CRMP1: variants seen among roughly 807,000 people sequenced by gnomAD.
CRMP1 encodes the protein collapsin response mediator protein 1, also known as dihydropyrimidinase-related protein 1.
In CRMP1, 19 loss-of-function variants were observed where a neutral mutation model predicts 68.3. That is an observed-to-expected ratio of 0.28 (90% CI 0.19 to 0.41). The LOEUF (loss-of-function observed/expected upper bound fraction) is 0.41, where lower values mean the gene tolerates loss of function less well. CRMP1 is among the 10% of genes least tolerant of loss of function. CRMP1 has a pLI of 1.00. For missense variants in CRMP1, 791 were observed against 967.4 expected (o/e 0.82, Z 2.42); for synonymous variants, 439 against 399.6 (o/e 1.10, Z -1.18).
At chr4:5,829,330 A>C (rs929869629) in intron 11 of CRMP1, among the ~76,000 whole-genome samples, 9 of 152,166 alleles carry the variant, frequency 5.9e-5, no homozygotes, top group African/African-American at 2.2e-4. Flanking sequence ...TGGAGGTTGC[A>C]GTGAGCCGAG....
rs562385669 is a variant in CRMP1, at chr4:5,842,618, T to G, written c.1032+475A>C. On this transcript the variant is annotated intron_variant, in intron 7 of 13. Coordinates refer to ENST00000324989, the MANE Select transcript of CRMP1 (RefSeq NM_001014809.3). This position sits in a 1 kb window ranked among gnomAD's most constrained non-coding sequence, Gnocchi z 4.5. Reference sequence around the variant, plus strand: ...CTCTCTCACACACACACACACACACTCACTCACACACACACACACGCACTG... The same window carrying G: ...CTCTCTCACACACACACACACACACGCACTCACACACACACACACGCACTG... Among the ~76,000 whole-genome samples the G allele has an allele frequency of 1.5e-4, 21 of 138,302 alleles. No homozygotes were observed. Among genetic ancestry groups the G allele is most frequent in the Non-Finnish European group, 2.7e-4 (17 of 63,166 alleles). 90.7% of individuals were successfully genotyped at this position (138,302 alleles called of 152,430 possible). A position where few individuals can be genotyped will look rare whatever the true frequency, so the allele number is the denominator to read the frequency against.
rs1393816337 is a variant in CRMP1 at position 5,836,436 on chromosome 4, T to C, written c.1452+329A>G. Among the ~76,000 whole-genome samples, 5 of 152,076 alleles carry C rather than the reference T, an allele frequency of 3.3e-5. No individual in the cohort carries two copies. The South Asian group carries it at 8.3e-4, about 25-fold the overall frequency. On this transcript the variant is annotated intron_variant, in intron 10 of 13. Transcript: ENST00000324989. ...GAATTCTCTCTCTACCCACTCAACA[T>C]CCCAACTCCTAACACGTGTGCACAT...
Position 5,879,854 on chromosome 4 carries a change from G to GC in CRMP1, c.381+12734dup, listed in dbSNP as rs753869000. 2.3e-5 allele frequency among the ~76,000 whole-genome samples: 3 copies of GC among 129,506 alleles called. No homozygotes were observed. Among genetic ancestry groups the GC allele is most frequent in the African/African-American group, 9.3e-5 (3 of 32,370 alleles). The allele number at this position is 129,506 out of a possible 152,430, so 85.0% of individuals were successfully genotyped here. On this transcript the variant is annotated intron_variant, in intron 1 of 13. Coordinates refer to ENST00000324989, the MANE Select transcript of CRMP1 (RefSeq NM_001014809.3). The surrounding 1 kb of genome is among the most constrained non-coding windows in gnomAD (Gnocchi z 4.2). The stretch of plus-strand genomic sequence containing the variant: ...TCTGCATGTTCAGAAATAAAATATA[G>GC]CAAAAAAAAAAATGAGACGAAAGGA...
intron 1 of CRMP1, among the ~76,000 whole-genome samples, chr4:5,868,281 A>AGATATATATATATCTATATC (rs1560513320): frequency 1.1e-5 from 1 of 89,144 alleles, no homozygotes; most frequent in African/African-American, 5.0e-5. Context: ...ATATATATAT[A>AGATATATATATATCTATATC]TATATATATA....
rs2152474800 is a variant in CRMP1, at chr4:5,881,697, C to A, written c.381+10892G>T. ...TGCTTGTGAATACTCAGGGCTCCAC[C>A]TGAGAGATGCTACAATAATTTGTAG... On this transcript the variant is annotated intron_variant, in intron 1 of 13. Coordinates refer to ENST00000324989, the MANE Select transcript of CRMP1 (RefSeq NM_001014809.3). This position sits in a 1 kb window ranked among gnomAD's most constrained non-coding sequence, Gnocchi z 4.6. Among the ~76,000 whole-genome samples the A allele has an allele frequency of 6.6e-6, 1 of 152,274 alleles. No individual in the cohort carries two copies. The highest frequency in any genetic ancestry group is 2.1e-4 in the South Asian group (1 of 4,826).
At position 5,843,099 on chromosome 4, in the gene CRMP1, A is replaced by C. The variant is rs760234107; in HGVS notation, c.1026T>G (p.Pro342=). ...CAAGTTGAGGAGTCCTTACCTCTTC[A>C]GGTCTGCTCAGGGCATGGCCCTCGG... ...TGPEGHALSR[P]EELEAEAVFR... The change falls in exon 7 of 14, where the codon CCT becomes CCG. Residue 342 remains proline, a synonymous_variant. Coordinates refer to ENST00000324989, the MANE Select transcript of CRMP1 (RefSeq NM_001014809.3). This position sits in a 1 kb window ranked among gnomAD's most constrained non-coding sequence, Gnocchi z 4.1. 4 of 1,614,086 alleles carry C rather than the reference A, an allele frequency of 2.5e-6. No individual in the cohort carries two copies. The Admixed American group carries it at 5.0e-5, about 20-fold the overall frequency.
At chr4:5,874,416 T>C (rs1422371934) in intron 1 of CRMP1, among the ~76,000 whole-genome samples, 1 of 152,144 alleles carries the variant, frequency 6.6e-6, no homozygotes, top group African/African-American at 2.4e-5. Context: ...TCCACACCCA[T>C]GATCTAACCG....
chr4:5,834,197 G>A lies in CRMP1; in HGVS notation c.1623+1718C>T, dbSNP rs1309005266. Among the ~76,000 whole-genome samples, 1 of 152,254 alleles carries A rather than the reference G, an allele frequency of 6.6e-6. No individual in the cohort carries two copies. Among genetic ancestry groups the A allele is most frequent in the Non-Finnish European group, 1.5e-5 (1 of 68,040 alleles). On this transcript the variant is annotated intron_variant, in intron 11 of 13. Transcript: ENST00000324989. The surrounding 1 kb of genome is among the most constrained non-coding windows in gnomAD (Gnocchi z 4.3). ...AAGCAAGGGGCAGCTCCCACAGCCA[G>A]ATGGCGGTAGGAGTGCACACCCTGT...
chr4:5,825,545 G>T lies in CRMP1; in HGVS notation c.1918C>A (p.His640Asn), dbSNP rs761583442. The T allele has an allele frequency of 1.9e-6, 3 of 1,594,958 alleles. No homozygotes were observed. The highest frequency in any genetic ancestry group is 2.6e-6 in the Non-Finnish European group (3 of 1,173,364). Reference sequence around the variant, plus strand: ...AGGTTTCTGATGGGTGGGGGCTGGTGTTTAGAAGGCGAAGATTTGGCTGAA... The same window carrying T: ...AGGTTTCTGATGGGTGGGGGCTGGTTTTTAGAAGGCGAAGATTTGGCTGAA... ...APSAKSSPSK[H>N]QPPPIRNLHQ... The change falls in exon 13 of 14, where the codon CAC becomes AAC. Residue 640 changes from histidine (H) to asparagine (N), a missense_variant. Coordinates refer to ENST00000324989, the MANE Select transcript of CRMP1 (RefSeq NM_001014809.3). The surrounding 1 kb of genome is among the most constrained non-coding windows in gnomAD (Gnocchi z 4.4).
chr4:5,831,430 T>C (rs1043997587), intron 11 of CRMP1, among the ~76,000 whole-genome samples: 3 of 152,228 alleles, frequency 2.0e-5, no homozygotes, highest in Non-Finnish European at 4.4e-5. Context: ...ACACAGCTGT[T>C]GACACTGTGC....
rs3836555 is a variant in CRMP1 at position 5,874,902 on chromosome 4, ACAGATGCTG to A, written c.382-8155_382-8147del. Among the ~76,000 whole-genome samples the A allele has an allele frequency of 3.2e-4, 49 of 152,310 alleles. No homozygotes were observed. In the East Asian group the frequency reaches 9.3e-3, roughly 29 times the overall value. On this transcript the variant is annotated intron_variant, in intron 1 of 13. Coordinates refer to ENST00000324989, the MANE Select transcript of CRMP1 (RefSeq NM_001014809.3). ...CTGGCAAGTGCAAAGCCTGCACGCT[ACAGATGCTG>A]CAGGAAGGCGTCCTCGCGAAGACTC... is the stretch of plus-strand genomic sequence containing the variant.
intron 6 of CRMP1, among the ~76,000 whole-genome samples, chr4:5,849,082 C>T (rs1293195987): frequency 1.3e-5 from 2 of 152,134 alleles, no homozygotes; most frequent in African/African-American, 4.8e-5. Context: ...AGTTCCTTGC[C>T]CAAGGTCACA....
intron 5 of CRMP1, 31 bp from the exon 6 acceptor site, chr4:5,849,503 G>T (rs367868146): frequency 4.3e-6 from 6 of 1,411,612 alleles, no homozygotes; most frequent in Non-Finnish European, 5.9e-6. Flanking sequence ...GTTGGTGTGA[G>T]ATTTAAAAAA....
chr4:5,866,390 G>C lies in CRMP1; in HGVS notation c.470+278C>G, dbSNP rs962849667. ...TGCCGCCTCCAAAACCACAAAACAG[G>C]AAACGTGTCTGCATTTTGCAGCCTT... On this transcript the variant is annotated intron_variant, in intron 2 of 13. Coordinates refer to ENST00000324989, the MANE Select transcript of CRMP1 (RefSeq NM_001014809.3). This position sits in a 1 kb window ranked among gnomAD's most constrained non-coding sequence, Gnocchi z 5.9. 1.3e-5 allele frequency among the ~76,000 whole-genome samples: 2 copies of C among 152,206 alleles called. No homozygotes were observed. Among genetic ancestry groups the C allele is most frequent in the Non-Finnish European group, 2.9e-5 (2 of 68,044 alleles).
chr4:5,839,057 C>T (rs1366114404), intron 9 of CRMP1, among the ~76,000 whole-genome samples: 1 of 152,244 alleles, frequency 6.6e-6, no homozygotes, highest in Non-Finnish European at 1.5e-5. Context: ...GTGCTGCAGG[C>T]AGCAGCGGCC....
At chr4:5,846,561 C>CATGT (rs1277684239) in intron 6 of CRMP1, among the ~76,000 whole-genome samples, 1 of 151,520 alleles carries the variant, frequency 6.6e-6, no homozygotes, top group Non-Finnish European at 1.5e-5. Context: ...TGAACACAGG[C>CATGT]ATGTGATGTG....
intron 5 of CRMP1, 112 bp from the exon 6 acceptor site, chr4:5,849,584 G>A: frequency 1.5e-6 from 1 of 678,580 alleles, no homozygotes; most frequent in Admixed American, 2.6e-5. Context: ...TCACCTGCCA[G>A]CCTCTGCAAA....
In CRMP1 at chr4:5,877,941, C is replaced by G. The variant is rs911013302; in HGVS notation, c.382-11185G>C. On this transcript the variant is annotated intron_variant, in intron 1 of 13. Coordinates refer to ENST00000324989, the MANE Select transcript of CRMP1 (RefSeq NM_001014809.3). This position sits in a 1 kb window ranked among gnomAD's most constrained non-coding sequence, Gnocchi z 4.3. ...AGACGATGCTAGCTGCATGTGTGATCGGTAACTTGACCCATTTCTCTGTGT... is the reference window on the plus strand; with the variant it reads ...AGACGATGCTAGCTGCATGTGTGATGGGTAACTTGACCCATTTCTCTGTGT... 6.6e-6 allele frequency among the ~76,000 whole-genome samples: 1 copy of G among 152,182 alleles called. No individual in the cohort carries two copies. Among genetic ancestry groups the G allele is most frequent in the African/African-American group, 2.4e-5 (1 of 41,426 alleles).
intron 6 of CRMP1, among the ~76,000 whole-genome samples, chr4:5,846,107 CCA>C (rs761258484): frequency 6.6e-6 from 1 of 152,046 alleles, no homozygotes; most frequent in Non-Finnish European, 1.5e-5. Context: ...ACCAGCCTGG[CCA>C]ACATGGTAAA....
Sources: allele counts gnomAD v4.1 joint callset (sites outside exome capture counted in the v4.1 genomes callset), GRCh38; gene constraint gnomAD v4.1.1; non-coding constraint Gnocchi (gnomAD v3.1); transcripts MANE v1.5; gene names NCBI Gene and HGNC (gene_info 2026-07-23, HGNC 2026-07-21).